PPP6R2: variants seen among roughly 807,000 people sequenced by gnomAD.
The protein encoded by PPP6R2 is serine/threonine-protein phosphatase 6 regulatory subunit 2.
PPP6R2 carries 62 observed loss-of-function variants against 100.2 expected under a neutral mutation model. That is an observed-to-expected ratio of 0.62 (90% CI 0.50 to 0.76). The LOEUF (loss-of-function observed/expected upper bound fraction) is 0.76, where lower values mean the gene tolerates loss of function less well. Among genes scored for constraint, PPP6R2 ranks in the 30% least tolerant of loss-of-function variants. PPP6R2 has a pLI of 0.00. For missense variants in PPP6R2, 1,142 were observed against 1,276.3 expected (o/e 0.89, Z 1.60); for synonymous variants, 525 against 514.7 (o/e 1.02, Z -0.27).
chr22:50,410,605 G>C (rs2059610922), intron 4 of PPP6R2, among the ~76,000 whole-genome samples: 1 of 148,686 alleles, frequency 6.7e-6, no homozygotes, highest in Non-Finnish European at 1.5e-5. Flanking sequence ...TCGTGCCTCA[G>C]CCTCCCGTCT....
intron 3 of PPP6R2, among the ~76,000 whole-genome samples, chr22:50,406,488 G>C (rs766650682): frequency 6.6e-5 from 10 of 152,218 alleles, no homozygotes; most frequent in Non-Finnish European, 1.0e-4. Context: ...GAGGAGCATA[G>C]AAGGTATGTT....
intron 12 of PPP6R2, among the ~76,000 whole-genome samples, chr22:50,433,564 G>A (rs879922259): frequency 5.6e-5 from 5 of 88,602 alleles, no homozygotes; most frequent in Admixed American, 2.2e-4. Context: ...GGCAGGGGCC[G>A]GGCATTTGCT....
intron 2 of PPP6R2, among the ~76,000 whole-genome samples, chr22:50,386,534 C>T (rs911573247): frequency 5.9e-5 from 9 of 152,150 alleles, no homozygotes; most frequent in African/African-American, 2.2e-4. Flanking sequence ...AAGGTACAAA[C>T]CGAGCTTCTG....
chr22:50,396,723 T>C lies in PPP6R2; in HGVS notation c.227+2588T>C, dbSNP rs114255769. Among the ~76,000 whole-genome samples the C allele has an allele frequency of 6.6e-3, 1,010 of 152,252 alleles. 12 individuals are homozygous for C. Among genetic ancestry groups the C allele is most frequent in the African/African-American group, 0.023 (942 of 41,552 alleles). ...TTAGAAGGAAGATAAAGCAGGATAG[T>C]GAGCCAGGGTGTCCCTGTGGCAGGG... is the stretch of plus-strand genomic sequence containing the variant. On this transcript the variant is annotated intron_variant, in intron 3 of 23. Transcript: ENST00000612753.
intron 4 of PPP6R2, 56 bp downstream of exon 4, chr22:50,406,931 G>T: frequency 6.6e-7 from 1 of 1,524,180 alleles, no homozygotes; most frequent in Non-Finnish European, 9.1e-7. Flanking sequence ...GGATGCTGAC[G>T]TGTCCTGCTG....
intron 4 of PPP6R2, 102 bp from the exon 5 acceptor site, chr22:50,414,450 A>T: frequency 7.6e-7 from 1 of 1,312,422 alleles, no homozygotes; most frequent in Non-Finnish European, 1.1e-6. Flanking sequence ...ATTTCTGCTT[A>T]ATATAATTAC....
intron 1 of PPP6R2, among the ~76,000 whole-genome samples, chr22:50,357,608 C>A (rs1331972318): frequency 6.6e-6 from 1 of 151,928 alleles, no homozygotes; most frequent in African/African-American, 2.4e-5. Context: ...AGTCTTCCCA[C>A]CTCAGCCTCC....
chr22:50,361,167 C>T (rs1392594136), intron 1 of PPP6R2, among the ~76,000 whole-genome samples: 1 of 152,182 alleles, frequency 6.6e-6, no homozygotes, highest in East Asian at 1.9e-4. Flanking sequence ...GTAGTGCCTT[C>T]CTGTCATCAC....
intron 1 of PPP6R2, among the ~76,000 whole-genome samples, chr22:50,359,615 C>T (rs900505588): frequency 6.6e-6 from 1 of 152,120 alleles, no homozygotes; most frequent in African/African-American, 2.4e-5. Context: ...CCTTTATCCA[C>T]ATGTGATATG....
chr22:50,339,568 ATGTAGT>A (rs2042345809), upstream of PPP6R2, among the ~76,000 whole-genome samples: 1 of 29,486 alleles, frequency 3.4e-5, no homozygotes. Flanking sequence ...TGTGTGTGGT[ATGTAGT>A]GTGTGTGTGG....
At chr22:50,404,931 G>A (rs1054336945) in intron 3 of PPP6R2, among the ~76,000 whole-genome samples, 4 of 152,276 alleles carry the variant, frequency 2.6e-5, no homozygotes, top group Non-Finnish European at 2.9e-5. Context: ...TGAGGGCTGC[G>A]TCCTGGGCTG....
intron 6 of PPP6R2, among the ~76,000 whole-genome samples, chr22:50,416,821 T>A (rs2060609322): frequency 1.3e-5 from 2 of 151,350 alleles, no homozygotes; most frequent in Admixed American, 1.3e-4. Flanking sequence ...CGAAGTGTGG[T>A]GTCAGGTGCC....
At chr22:50,367,337 A>G (rs2048969608) in intron 1 of PPP6R2, among the ~76,000 whole-genome samples, 1 of 152,126 alleles carries the variant, frequency 6.6e-6, no homozygotes, top group Non-Finnish European at 1.5e-5. Flanking sequence ...ACAGAATGAG[A>G]TGCTGAGGGA....
Position 50,414,694 on chromosome 22 carries a change from G to A in PPP6R2, c.552+5G>A. 1.3e-6 allele frequency: 2 copies of A among 1,591,304 alleles called. No homozygotes were observed. Among genetic ancestry groups the A allele is most frequent in the Non-Finnish European group, 1.7e-6 (2 of 1,173,636 alleles). On this transcript the variant is annotated splice_donor_5th_base_variant and intron_variant, in intron 5 of 23. Coordinates refer to ENST00000612753, the MANE Select transcript of PPP6R2 (RefSeq NM_001242898.2). The stretch of plus-strand genomic sequence containing the variant: ...CTCCGGCAGGACGTCCTGCACGTGA[G>A]TGCGGGAGTCCCCCCCCGTTCCCGA...
chr22:50,424,346 G>A (rs557714326), intron 10 of PPP6R2, among the ~76,000 whole-genome samples: 17 of 141,448 alleles, frequency 1.2e-4, no homozygotes, highest in South Asian at 6.7e-4. Context: ...AGGTCTGTCC[G>A]CGTGTGGAAG....
chr22:50,441,859 C>G (rs758184314), intron 22 of PPP6R2, among the ~76,000 whole-genome samples: 2 of 152,070 alleles, frequency 1.3e-5, no homozygotes, highest in Admixed American at 1.3e-4. Flanking sequence ...AGGGCAGGAC[C>G]GCTGGGGTAG....
chr22:50,441,419 C>G (rs896783656), intron 22 of PPP6R2, among the ~76,000 whole-genome samples: 1 of 152,194 alleles, frequency 6.6e-6, no homozygotes, highest in African/African-American at 2.4e-5. Context: ...CGCCTGGGAT[C>G]TGGGTACCCT....
At chr22:50,339,910 ATGTGGTGTGTGTGTGGGGTG>A (rs2042352740), upstream of PPP6R2, among the ~76,000 whole-genome samples, 1 of 23,948 alleles carries the variant, frequency 4.2e-5, no homozygotes, top group Non-Finnish European at 7.9e-5. Context: ...TGTGTGTGGT[ATGTGGTGTGTGTGTGGGGTG>A]TGTGGTGTGT....
chr22:50,339,320 A>G (rs1265774304), upstream of PPP6R2, among the ~76,000 whole-genome samples: 330 of 91,572 alleles, frequency 3.6e-3, no homozygotes, highest in Middle Eastern at 0.011. Context: ...TTGTGGGTGT[A>G]GTGTGTGTGG....
Sources: gnomAD v4.1 joint callset for allele counts (sites outside exome capture counted in the v4.1 genomes callset) on GRCh38, gnomAD v4.1.1 for gene constraint, MANE v1.5 for transcripts, NCBI Gene and HGNC (gene_info 2026-07-23, HGNC 2026-07-21) for gene names.